ANK2: variants seen among roughly 807,000 people sequenced by gnomAD.
ANK2 encodes ankyrin-2.
In ANK2, 83 loss-of-function variants were observed where a neutral mutation model predicts 360.5. The observed-to-expected ratio is 0.23, with a 90% CI of 0.19 to 0.28. The LOEUF is 0.28. Ranked by LOEUF, ANK2 falls within the 10% of genes least tolerant of loss-of-function variation. The pLI, the probability that ANK2 is intolerant of heterozygous loss-of-function variation, is 1.00. For missense variants in ANK2, 4,201 were observed against 4,795.7 expected (o/e 0.88, Z 3.66); for synonymous variants, 1,740 against 1,759.5 (o/e 0.99, Z 0.28).
At chr4:112,966,198 T>C (rs2037161984) in intron 2 of ANK2, among the ~76,000 whole-genome samples, 1 of 151,682 alleles carries the variant, frequency 6.6e-6, no homozygotes, top group African/African-American at 2.4e-5. Context: ...ATTTATACTA[T>C]AAATCCAAAT....
At chr4:113,230,732 G>T (rs754727895) in intron 4 of ANK2, among the ~76,000 whole-genome samples, 1 of 152,106 alleles carries the variant, frequency 6.6e-6, no homozygotes, top group Admixed American at 6.5e-5. Flanking sequence ...CTGATGAAAA[G>T]AAAATTTGCC....
intron 1 of ANK2, among the ~76,000 whole-genome samples, chr4:113,074,615 A>G (rs1265756792): frequency 6.6e-6 from 1 of 152,202 alleles, no homozygotes; most frequent in Non-Finnish European, 1.5e-5. Context: ...TGAGGCTGCC[A>G]GAAAAAAACT....
chr4:113,378,220 C>G, intron 45 of ANK2: 1 of 1,042,932 alleles, frequency 9.6e-7, no homozygotes, highest in South Asian at 1.4e-5. Context: ...CCAACTAACA[C>G]CATAAAAATT....
In ANK2 at chr4:112,864,998, T is replaced by C. The variant is rs1232753155; in HGVS notation, c.-39-39457T>C. ...AGTGAGCCGAGATCGCGCCACTGCA[T>C]TCCAGCCTGGGCGACAGAGCGAGAC... is the stretch of plus-strand genomic sequence containing the variant. On this transcript the variant is annotated intron_variant, in intron 1 of 30. Coordinates refer to the ANK2 transcript ENST00000503271. Among the ~76,000 whole-genome samples, 165 of 115,724 alleles carry C rather than the reference T, an allele frequency of 1.4e-3. 1 individual carries two copies. The highest frequency in any genetic ancestry group is 4.7e-3 in the African/African-American group (138 of 29,600). The allele number at this position is 115,724 out of a possible 152,430, so 75.9% of individuals were successfully genotyped here. A position where few individuals can be genotyped will look rare whatever the true frequency, so the allele number is the denominator to read the frequency against.
chr4:112,779,449 A>T, the ANK2 span, among the ~76,000 whole-genome samples: 1 of 152,044 alleles, frequency 6.6e-6, no homozygotes, highest in Non-Finnish European at 1.5e-5. Context: ...AACCCGGGAG[A>T]CGGAGCTCGT....
At chr4:113,232,318 A>G in intron 5 of ANK2, 59 bp downstream of exon 5, 2 of 1,280,216 alleles carry the variant, frequency 1.6e-6, no homozygotes, top group Non-Finnish European at 2.3e-6. Context: ...TATTCTTTAT[A>G]TCAGGCTGCA....
chr4:112,754,612 C>T, the ANK2 span, among the ~76,000 whole-genome samples: 1 of 151,500 alleles, frequency 6.6e-6, no homozygotes, highest in Admixed American at 6.6e-5. Context: ...CTCCAAAAAA[C>T]AGGGCCCACT....
intron 1 of ANK2, among the ~76,000 whole-genome samples, chr4:113,099,235 T>C (rs2092338679): frequency 6.7e-6 from 1 of 148,400 alleles, no homozygotes; most frequent in Non-Finnish European, 1.5e-5. Context: ...GATGGCATAA[T>C]TGTCTATGTA....
At chr4:112,950,028 T>C (rs997312165) in intron 2 of ANK2, among the ~76,000 whole-genome samples, 9 of 152,228 alleles carry the variant, frequency 5.9e-5, no homozygotes, top group African/African-American at 9.6e-5. Context: ...TGCAAATAAT[T>C]CACTTTTTTG....
At chr4:113,209,771 G>A (rs752227986) in intron 4 of ANK2, among the ~76,000 whole-genome samples, 5 of 151,980 alleles carry the variant, frequency 3.3e-5, no homozygotes, top group Admixed American at 6.5e-5. Context: ...ATCTTGAAGC[G>A]GAGGACTTAC....
Position 113,356,324 on chromosome 4 carries a change from C to T in ANK2, c.7706C>T (p.Ala2569Val), listed in dbSNP as rs756440192. 44 of 1,613,942 alleles carry T rather than the reference C, an allele frequency of 2.7e-5. No individual in the cohort carries two copies. The highest frequency in any genetic ancestry group is 3.7e-5 in the Non-Finnish European group (44 of 1,179,998). ...TPKPAVIHECAEEDDSENGEK... is the reference protein window; with the variant it reads ...TPKPAVIHECVEEDDSENGEK... ...AAACCAGCTGTGATTCATGAATGTGCAGAGGAGGATGATTCAGAAAACGGG... is the reference window on the plus strand; with the variant it reads ...AAACCAGCTGTGATTCATGAATGTGTAGAGGAGGATGATTCAGAAAACGGG... The change falls in exon 38 of 46, where the codon GCA becomes GTA. Residue 2569 changes from alanine (A) to valine (V), a missense_variant. Physicochemically the swap from Ala to Val is moderately conservative, Grantham distance 64. Around this residue, in one of 4 missense-constraint regions of ANK2, gnomAD observed 2,642 missense variants for 2,714.5 expected, o/e 0.97. Transcript: ENST00000357077.
intron 40 of ANK2, among the ~76,000 whole-genome samples, chr4:113,364,120 A>G (rs928336647): frequency 6.6e-6 from 1 of 152,110 alleles, no homozygotes; most frequent in Admixed American, 6.6e-5. Flanking sequence ...CTTTGCAAAG[A>G]TTTATTCCTT....
chr4:112,746,222 A>T, the ANK2 span, among the ~76,000 whole-genome samples: 1 of 152,332 alleles, frequency 6.6e-6, no homozygotes, highest in African/African-American at 2.4e-5. Context: ...TTGAAAAATT[A>T]TATTAATCTT....
At chr4:112,794,041 T>A in the ANK2 span, among the ~76,000 whole-genome samples, 2 of 152,182 alleles carry the variant, frequency 1.3e-5, no homozygotes, top group Non-Finnish European at 2.9e-5. Context: ...CAGCACCCCA[T>A]AATCACATTT....
intron 1 of ANK2, among the ~76,000 whole-genome samples, chr4:113,129,886 A>G (rs1034140347): frequency 1.3e-5 from 2 of 152,166 alleles, no homozygotes; most frequent in Non-Finnish European, 2.9e-5. Context: ...GGTGATATTA[A>G]CTACATGATG....
At chr4:112,805,722 C>T in the ANK2 span, among the ~76,000 whole-genome samples, 24 of 152,072 alleles carry the variant, frequency 1.6e-4, no homozygotes, top group East Asian at 2.9e-3. Flanking sequence ...GCTGGGATTA[C>T]AGGCGCATGC....
At chr4:112,850,361 C>CATCCATCCATCCATCCACT (rs1405726716) in intron 1 of ANK2, among the ~76,000 whole-genome samples, 52 of 151,378 alleles carry the variant, frequency 3.4e-4, no homozygotes, top group African/African-American at 1.1e-3. Context: ...ATCCATCCAC[C>CATCCATCCATCCATCCACT]CATTCATCTC....
At chr4:112,971,368 A>C (rs939932446) in intron 2 of ANK2, among the ~76,000 whole-genome samples, 9 of 152,210 alleles carry the variant, frequency 5.9e-5, no homozygotes, top group African/African-American at 2.2e-4. Context: ...CACTAAGTAA[A>C]AGTTAAGCCC....
chr4:112,954,959 C>T (rs2095260836), intron 2 of ANK2, among the ~76,000 whole-genome samples: 1 of 151,986 alleles, frequency 6.6e-6, no homozygotes, highest in Admixed American at 6.6e-5. Flanking sequence ...ACTGCATGAC[C>T]AAATATGTTT....
Sources: gnomAD v4.1 joint callset for allele counts (sites outside exome capture counted in the v4.1 genomes callset) on GRCh38, gnomAD v4.1.1 for gene constraint, gnomAD v4.1.1 regional missense constraint, MANE v1.5 for transcripts, NCBI Gene and HGNC (gene_info 2026-07-23, HGNC 2026-07-21) for gene names.